The following RYR2 variants were observed in gnomAD, a reference collection of about 807,000 sequenced individuals.
RYR2 encodes cardiac muscle ryanodine receptor-calcium release channel.
Under a neutral mutation model 601.1 loss-of-function variants are expected in RYR2, and 227 were observed. The ratio of observed to expected loss-of-function variants is 0.38; its 90% CI spans 0.34 to 0.42. RYR2 has a LOEUF of 0.42. Among genes scored for constraint, RYR2 ranks in the 10% least tolerant of loss-of-function variants. The probability of loss-of-function intolerance (pLI) is 1.00; values close to 1 mark genes in which losing one functional copy is unlikely to be tolerated. For synonymous variants in RYR2, 2,223 were observed against 2,175.1 expected (o/e 1.02, Z -0.61); for missense variants, 4,646 against 6,156.5 (o/e 0.75, Z 8.21).
At chr1:237,152,766 A>G (rs999581228) in intron 1 of RYR2, among the ~76,000 whole-genome samples, 5 of 152,218 alleles carry the variant, frequency 3.3e-5, no homozygotes, top group African/African-American at 1.2e-4. Flanking sequence ...TTATGATGAA[A>G]TCACCAAAAG....
At chr1:237,326,603 G>A (rs550377698) in intron 2 of RYR2, among the ~76,000 whole-genome samples, 2 of 152,174 alleles carry the variant, frequency 1.3e-5, no homozygotes, top group Non-Finnish European at 2.9e-5. Flanking sequence ...CACTTATAAT[G>A]CAGAGCGTAC....
intron 67 of RYR2, among the ~76,000 whole-genome samples, chr1:237,706,475 A>ATATCT (rs1688389128): frequency 6.6e-6 from 1 of 152,174 alleles, no homozygotes; most frequent in Admixed American, 6.6e-5. Flanking sequence ...CTGAGGACGG[A>ATATCT]GAGTGCCTGG....
At position 237,409,057 on chromosome 1, in the gene RYR2, T is replaced by C. The variant is rs373095655; in HGVS notation, c.774-7992T>C. Among the ~76,000 whole-genome samples, 14 of 152,262 alleles carry C rather than the reference T, an allele frequency of 9.2e-5. No homozygotes were observed. The East Asian group carries it at 1.9e-3, about 21-fold the overall frequency. ...ATTGTCTATTAGTTTCAGGAGATTT[T>C]TGTTGTTATTCTTGATTCTTTGAGA... On this transcript the variant is annotated intron_variant, in intron 10 of 104. Coordinates refer to ENST00000366574, the MANE Select transcript of RYR2 (RefSeq NM_001035.3).
At chr1:237,376,716 C>A (rs1232613610) in intron 7 of RYR2, among the ~76,000 whole-genome samples, 1 of 152,050 alleles carries the variant, frequency 6.6e-6, no homozygotes, top group African/African-American at 2.4e-5. Context: ...TGATGTAAAC[C>A]AAGATCTTTT....
At chr1:237,331,003 G>A (rs752217961) in intron 3 of RYR2, 21 bp downstream of exon 3, 2 of 1,573,322 alleles carry the variant, frequency 1.3e-6, no homozygotes, top group Non-Finnish European at 1.7e-6. Flanking sequence ...AATTTATGTA[G>A]ACTTGTAGTA....
At chr1:237,474,800 A>C (rs1661220303) in intron 17 of RYR2, among the ~76,000 whole-genome samples, 1 of 152,182 alleles carries the variant, frequency 6.6e-6, no homozygotes, top group Admixed American at 6.5e-5. Flanking sequence ...AAGACACCTC[A>C]CAGGAAGGAG....
chr1:237,495,196 A>G (rs1273344827), intron 19 of RYR2, among the ~76,000 whole-genome samples: 1 of 152,172 alleles, frequency 6.6e-6, no homozygotes, highest in African/African-American at 2.4e-5. Context: ...AGATGCTTAA[A>G]TTTATAGATG....
chr1:237,138,642 T>C (rs1485079865), intron 1 of RYR2, among the ~76,000 whole-genome samples: 2 of 152,206 alleles, frequency 1.3e-5, no homozygotes, highest in African/African-American at 4.8e-5. Context: ...ATGTATACAG[T>C]TTACTCATTA....
In RYR2 at chr1:237,148,881, T is replaced by C. The variant is rs181700680; in HGVS notation, c.48+106312T>C. Among the ~76,000 whole-genome samples the C allele has an allele frequency of 6.6e-5, 10 of 152,258 alleles. No homozygotes were observed. In the East Asian group the frequency reaches 1.9e-3, roughly 29 times the overall value. On this transcript the variant is annotated intron_variant, in intron 1 of 104. Transcript: ENST00000366574. ...GTTGGAATTGCCCTGCCCTTTCAGA[T>C]CTGGATAAGATTGCCTTTGACCTCT...
intron 4 of RYR2, among the ~76,000 whole-genome samples, chr1:237,360,614 G>T (rs1000944791): frequency 6.6e-6 from 1 of 152,124 alleles, no homozygotes; most frequent in African/African-American, 2.4e-5. Flanking sequence ...AAAAGAACTT[G>T]CTACAAATCT....
In RYR2 at chr1:237,778,869, T is replaced by C. The variant is rs568129960; in HGVS notation, c.11880+99T>C. 6.6e-6 allele frequency: 4 copies of C among 607,692 alleles called. No homozygotes were observed. In the African/African-American group the frequency reaches 7.3e-5, roughly 11 times the overall value. The allele number at this position is 607,692 out of a possible 1,614,324, so 37.6% of individuals were successfully genotyped here. On this transcript the variant is annotated intron_variant, in intron 88 of 104. Coordinates refer to ENST00000366574, the MANE Select transcript of RYR2 (RefSeq NM_001035.3). ...CTTTTTGATGTTAGAATATTATCTT[T>C]TTAAAATCACTTTATCACTTGTCTT...
At chr1:237,084,479 T>G (rs1666085704) in intron 1 of RYR2, among the ~76,000 whole-genome samples, 1 of 152,070 alleles carries the variant, frequency 6.6e-6, no homozygotes, top group Admixed American at 6.5e-5. Context: ...GGCAGCAAGG[T>G]GACTAGGCAT....
chr1:237,059,370 G>C (rs1662566852), intron 1 of RYR2, among the ~76,000 whole-genome samples: 1 of 152,110 alleles, frequency 6.6e-6, no homozygotes, highest in Non-Finnish European at 1.5e-5. Flanking sequence ...GCAAATCTTT[G>C]CATAAGAGAG....
intron 25 of RYR2, among the ~76,000 whole-genome samples, chr1:237,546,997 T>TATATA (rs58050661): frequency 0.041 from 3,349 of 82,286 alleles, 98 homozygotes; most frequent in Admixed American, 0.079. Context: ...ATATATATAT[T>TATATA]TATTTATTTA....
At chr1:237,313,373 T>G (rs1347151772) in intron 2 of RYR2, among the ~76,000 whole-genome samples, 1 of 152,152 alleles carries the variant, frequency 6.6e-6, no homozygotes, top group African/African-American at 2.4e-5. Flanking sequence ...GAGCTCTAAA[T>G]GTAATCACAA....
At chr1:237,131,538 G>T (rs1672174537) in intron 1 of RYR2, among the ~76,000 whole-genome samples, 1 of 152,102 alleles carries the variant, frequency 6.6e-6, no homozygotes, top group African/African-American at 2.4e-5. Flanking sequence ...TAAGTTGAAG[G>T]AGTTCATGGA....
intron 2 of RYR2, among the ~76,000 whole-genome samples, chr1:237,300,002 A>G (rs1693194140): frequency 6.6e-6 from 1 of 152,208 alleles, no homozygotes; most frequent in Admixed American, 6.5e-5. Flanking sequence ...ATCTCATGTG[A>G]CATTCCTATC....
rs746122839 is a variant in RYR2, at chr1:237,709,541, G to A, written c.10204G>A (p.Val3402Met). The change falls in exon 70 of 105, where the codon GTG becomes ATG. Residue 3402 changes from valine (V) to methionine (M), a missense_variant. Around this residue, in one of 17 missense-constraint regions of RYR2, gnomAD observed 1,497 missense variants for 1,842.6 expected, o/e 0.81. Transcript: ENST00000366574. ...AEELFRMVAE[V>M]FIYWSKSHNF... ...GGAGCTCTTCCGCATGGTGGCTGAA[G>A]TGTTTATCTACTGGTCGAAGTCCCA... 1 of 1,611,420 alleles carries A rather than the reference G, an allele frequency of 6.2e-7. No individual in the cohort carries two copies. The highest frequency in any genetic ancestry group is 2.2e-5 in the East Asian group (1 of 44,842).
chr1:237,539,587 G>C (rs1176231875), intron 25 of RYR2, among the ~76,000 whole-genome samples: 1 of 152,096 alleles, frequency 6.6e-6, no homozygotes, highest in Admixed American at 6.6e-5. Flanking sequence ...AACTAATGCA[G>C]GAACAGAAAA....
Sources: gnomAD v4.1 joint callset for allele counts (sites outside exome capture counted in the v4.1 genomes callset) on GRCh38, gnomAD v4.1.1 for gene constraint, gnomAD v4.1.1 regional missense constraint, MANE v1.5 for transcripts, NCBI Gene and HGNC (gene_info 2026-07-23, HGNC 2026-07-21) for gene names.